The following GFRA1 variants were observed in gnomAD, a reference collection of about 807,000 sequenced individuals.
GFRA1 encodes the protein GDNF family receptor alpha-1.
In GFRA1, 16 loss-of-function variants were observed where a neutral mutation model predicts 51.6. The ratio of observed to expected loss-of-function variants is 0.31; its 90% CI spans 0.21 to 0.47. GFRA1 has a LOEUF of 0.47. Among genes scored for constraint, GFRA1 ranks in the 20% least tolerant of loss-of-function variants. The probability of loss-of-function intolerance (pLI) is 1.00; values close to 1 mark genes in which losing one functional copy is unlikely to be tolerated. For synonymous variants in GFRA1, 270 were observed against 241.3 expected (o/e 1.12, Z -1.10); for missense variants, 530 against 594.3 (o/e 0.89, Z 1.13).
intron 5 of GFRA1, among the ~76,000 whole-genome samples, chr10:116,158,261 G>A (rs2134165893): frequency 6.6e-6 from 1 of 152,272 alleles, no homozygotes; most frequent in South Asian, 2.1e-4. Flanking sequence ...AATCACCCCA[G>A]GATTGAAGGT....
chr10:116,116,128 C>T (rs1957402820), intron 6 of GFRA1, among the ~76,000 whole-genome samples: 1 of 152,166 alleles, frequency 6.6e-6, no homozygotes, highest in African/African-American at 2.4e-5. Context: ...GAGTTTCACG[C>T]TTGTTGCCCA....
chr10:116,235,214 C>A (rs1375900517), intron 4 of GFRA1, among the ~76,000 whole-genome samples: 1 of 152,092 alleles, frequency 6.6e-6, no homozygotes, highest in Non-Finnish European at 1.5e-5. Flanking sequence ...GCTAGTTTGC[C>A]AAGGCCAGAC....
chr10:116,146,062 A>T (rs78965289), intron 5 of GFRA1, among the ~76,000 whole-genome samples: 2,837 of 152,118 alleles, frequency 0.019, 88 homozygotes, highest in African/African-American at 0.064. Flanking sequence ...GTCACTATAT[A>T]TTTATATATT....
At chr10:116,203,134 A>G (rs1964471786) in intron 5 of GFRA1, among the ~76,000 whole-genome samples, 1 of 152,184 alleles carries the variant, frequency 6.6e-6, no homozygotes, top group Non-Finnish European at 1.5e-5. Flanking sequence ...ATGAGTGGCC[A>G]CACCCAGCCA....
chr10:116,194,669 T>G (rs1470621562), intron 5 of GFRA1, among the ~76,000 whole-genome samples: 1 of 152,182 alleles, frequency 6.6e-6, no homozygotes, highest in East Asian at 1.9e-4. Flanking sequence ...ATTCAACCCT[T>G]GGCCTACTGA....
intron 5 of GFRA1, among the ~76,000 whole-genome samples, chr10:116,159,473 A>C (rs927366673): frequency 1.1e-4 from 16 of 152,060 alleles, no homozygotes; most frequent in Admixed American, 9.2e-4. Flanking sequence ...CCCCACTCTT[A>C]CTTCACAGGA....
At chr10:116,126,520 G>A (rs1220466894) in intron 5 of GFRA1, among the ~76,000 whole-genome samples, 2 of 152,268 alleles carry the variant, frequency 1.3e-5, no homozygotes, top group Non-Finnish European at 1.5e-5. Flanking sequence ...ATTCAGCCCT[G>A]TCCCCAATAG....
chr10:116,237,892 A>G (rs2134611064), intron 4 of GFRA1, among the ~76,000 whole-genome samples: 1 of 152,306 alleles, frequency 6.6e-6, no homozygotes. Context: ...CCTAGGGGCA[A>G]ACAACACCTG....
rs888840116 is a variant in GFRA1, at chr10:116,057,073, A to G, written c.*7325T>C. 4 of 152,190 alleles carry G rather than the reference A, an allele frequency of 2.6e-5. No homozygotes were observed. Among genetic ancestry groups the G allele is most frequent in the African/African-American group, 9.7e-5 (4 of 41,450 alleles). 9.4% of individuals were successfully genotyped at this position (152,190 alleles called of 1,614,324 possible). A position where few individuals can be genotyped will look rare whatever the true frequency, so the allele number is the denominator to read the frequency against. ...CCACTTCCAAAGTCCATATTGCAAA[A>G]CTTGTACTTCTACAGGAGATGTTCT... On this transcript the variant is annotated 3_prime_UTR_variant, in exon 11 of 11. Coordinates refer to ENST00000355422, the MANE Select transcript of GFRA1 (RefSeq NM_005264.8).
intron 4 of GFRA1, among the ~76,000 whole-genome samples, chr10:116,251,178 A>C (rs2134693329): frequency 6.6e-6 from 1 of 152,328 alleles, no homozygotes; most frequent in South Asian, 2.1e-4. Flanking sequence ...CTAGACTATA[A>C]GTTTCGTGAG....
intron 5 of GFRA1, among the ~76,000 whole-genome samples, chr10:116,194,958 G>A (rs1006447949): frequency 7.2e-5 from 11 of 152,158 alleles, no homozygotes; most frequent in South Asian, 2.1e-4. Context: ...TGTTTTCAGC[G>A]TTTATCGTGC....
chr10:116,219,165 A>G (rs1965762770), intron 4 of GFRA1, among the ~76,000 whole-genome samples: 1 of 152,188 alleles, frequency 6.6e-6, no homozygotes, highest in East Asian at 1.9e-4. Context: ...TATCATTTTT[A>G]TGACATCCTA....
At chr10:116,241,203 T>C (rs765800734) in intron 4 of GFRA1, among the ~76,000 whole-genome samples, 1 of 152,198 alleles carries the variant, frequency 6.6e-6, no homozygotes, top group Non-Finnish European at 1.5e-5. Context: ...CTTAAAGAAC[T>C]TTTAAAACCA....
intron 5 of GFRA1, among the ~76,000 whole-genome samples, chr10:116,198,453 C>A (rs1964070507): frequency 6.6e-6 from 1 of 152,234 alleles, no homozygotes; most frequent in African/African-American, 2.4e-5. Flanking sequence ...AAAAGAACAG[C>A]TTTGTCTGTT....
In GFRA1 at chr10:116,062,245, C is replaced by T. The variant is rs998949140; in HGVS notation, c.*2153G>A. The T allele has an allele frequency of 2.5e-6, 1 of 397,562 alleles. No homozygotes were observed. The highest frequency in any genetic ancestry group is 4.4e-6 in the Non-Finnish European group (1 of 225,722). The allele number at this position is 397,562 out of a possible 1,614,324, so 24.6% of individuals were successfully genotyped here. A position where few individuals can be genotyped will look rare whatever the true frequency, so the allele number is the denominator to read the frequency against. On this transcript the variant is annotated 3_prime_UTR_variant, in exon 11 of 11. Coordinates refer to ENST00000355422, the MANE Select transcript of GFRA1 (RefSeq NM_005264.8). ...CTATGAAATTAGTCCAGTGTAGATA[C>T]ACAGAGATACCTTAATGAAAACAAA...
Position 116,063,095 on chromosome 10 carries a change from G to A in GFRA1, c.*1303C>T, listed in dbSNP as rs1954902259. 6.6e-6 allele frequency: 1 copy of A among 152,230 alleles called. No individual in the cohort carries two copies. The highest frequency in any genetic ancestry group is 6.5e-5 in the Admixed American group (1 of 15,282). The allele number at this position is 152,230 out of a possible 1,614,324, so 9.4% of individuals were successfully genotyped here. A position where few individuals can be genotyped will look rare whatever the true frequency, so the allele number is the denominator to read the frequency against. ...ACACAATCCTTAGGAAAAGAACTGT[G>A]CATCCCAGCATGGATGTGTTTCCAA... On this transcript the variant is annotated 3_prime_UTR_variant, in exon 11 of 11. Transcript: ENST00000355422.
intron 5 of GFRA1, among the ~76,000 whole-genome samples, chr10:116,153,727 A>C (rs1028702443): frequency 6.6e-6 from 1 of 152,218 alleles, no homozygotes; most frequent in Non-Finnish European, 1.5e-5. Flanking sequence ...GCCTAGCATA[A>C]GGGAAAACTG....
Position 116,059,869 on chromosome 10 carries a change from C to T in GFRA1, c.*4529G>A, listed in dbSNP as rs1250064785. On this transcript the variant is annotated 3_prime_UTR_variant, in exon 11 of 11. Coordinates refer to ENST00000355422, the MANE Select transcript of GFRA1 (RefSeq NM_005264.8). ...GCATCATCTTCAGATCATCTGGCTC[C>T]TGAGAGAGGCTTCTCTGTCTTAAAA... 6.6e-6 allele frequency: 1 copy of T among 152,114 alleles called. No homozygotes were observed. The highest frequency in any genetic ancestry group is 2.4e-5 in the African/African-American group (1 of 41,384). 9.4% of individuals were successfully genotyped at this position (152,114 alleles called of 1,614,324 possible).
At chr10:116,209,284 G>A (rs1965014647) in intron 5 of GFRA1, among the ~76,000 whole-genome samples, 1 of 152,166 alleles carries the variant, frequency 6.6e-6, no homozygotes, top group Non-Finnish European at 1.5e-5. Flanking sequence ...ATGCAATCCA[G>A]AGGAAATAAC....
Sources: gnomAD v4.1 joint callset for allele counts (sites outside exome capture counted in the v4.1 genomes callset) on GRCh38, gnomAD v4.1.1 for gene constraint, MANE v1.5 for transcripts, NCBI Gene and HGNC (gene_info 2026-07-23, HGNC 2026-07-21) for gene names.